The following LRMDA variants were observed in gnomAD, a reference collection of about 807,000 sequenced individuals.
LRMDA encodes the protein leucine-rich melanocyte differentiation-associated protein.
A neutral mutation model predicts 29.8 loss-of-function variants in LRMDA; 18 were observed. That is an observed-to-expected ratio of 0.60 (90% confidence interval 0.42 to 0.90). LRMDA has a LOEUF of 0.90. LRMDA is among the 40% of genes least tolerant of loss of function. The pLI, the probability that LRMDA is intolerant of heterozygous loss-of-function variation, is 0.00. For synonymous variants in LRMDA, 125 were observed against 109.4 expected, an observed-to-expected ratio of 1.14 and a Z score of -0.89; for missense variants, 273 against 273.9, an observed-to-expected ratio of 1.00 and a Z score of 0.02.
In LRMDA at chr10:75,941,731, A is replaced by G. The variant is rs553793870; in HGVS notation, c.132-94277A>G. Among the ~76,000 whole-genome samples the G allele has an allele frequency of 7.9e-5, 12 of 152,288 alleles. No homozygotes were observed. The South Asian group carries it at 2.5e-3, about 32-fold the overall frequency. ...AGCCCCCAAAGCAGCCATGCAGACC[A>G]CAAACCACTTGTAAAGATTGGGGAC... is the stretch of plus-strand genomic sequence containing the variant. On this transcript the variant is annotated intron_variant, in intron 2 of 6. Coordinates refer to ENST00000611255, the MANE Select transcript of LRMDA (RefSeq NM_001305581.2).
At chr10:75,767,413 C>T (rs1221545881) in intron 2 of LRMDA, among the ~76,000 whole-genome samples, 1 of 152,014 alleles carries the variant, frequency 6.6e-6, no homozygotes, top group Non-Finnish European at 1.5e-5. Flanking sequence ...AGCTTTTTTT[C>T]ATATGTTTGT....
At chr10:75,456,236 T>C (rs1034897481) in intron 2 of LRMDA, among the ~76,000 whole-genome samples, 2 of 152,196 alleles carry the variant, frequency 1.3e-5, no homozygotes, top group African/African-American at 2.4e-5. Flanking sequence ...CTGACACATA[T>C]ACGCGGCAAT....
At chr10:76,336,412 A>G (rs1840969682) in intron 6 of LRMDA, among the ~76,000 whole-genome samples, 1 of 152,042 alleles carries the variant, frequency 6.6e-6, no homozygotes, top group Non-Finnish European at 1.5e-5. Flanking sequence ...TTCCTTAAAT[A>G]CTCTCTGCAG....
chr10:76,369,149 G>A (rs983261328), intron 6 of LRMDA, among the ~76,000 whole-genome samples: 10 of 152,048 alleles, frequency 6.6e-5, no homozygotes, highest in Non-Finnish European at 1.0e-4. Context: ...CATGCTCTTT[G>A]TTGCCCATGT....
At chr10:75,857,788 G>T (rs1186335383) in intron 2 of LRMDA, among the ~76,000 whole-genome samples, 1 of 152,168 alleles carries the variant, frequency 6.6e-6, no homozygotes, top group African/African-American at 2.4e-5. Flanking sequence ...CTATCCTGGG[G>T]TAAAATGACC....
intron 2 of LRMDA, among the ~76,000 whole-genome samples, chr10:76,000,609 G>A (rs2132468518): frequency 6.6e-6 from 1 of 152,276 alleles, no homozygotes; most frequent in Admixed American, 6.5e-5. Context: ...TGAACCTCGA[G>A]TTTAGGAAGA....
intron 2 of LRMDA, among the ~76,000 whole-genome samples, chr10:75,680,829 G>A (rs1842014383): frequency 6.6e-6 from 1 of 152,146 alleles, no homozygotes; most frequent in Admixed American, 6.5e-5. Context: ...GGGCAGCATA[G>A]TGAGACCCAA....
chr10:75,968,048 C>T (rs1175396753), intron 2 of LRMDA, among the ~76,000 whole-genome samples: 3 of 152,054 alleles, frequency 2.0e-5, no homozygotes, highest in African/African-American at 7.2e-5. Flanking sequence ...GACAGTTTTG[C>T]ATTAACCTAA....
intron 2 of LRMDA, among the ~76,000 whole-genome samples, chr10:75,690,988 T>TACACACAC (rs1476550881): frequency 1.0e-5 from 1 of 95,750 alleles, no homozygotes; most frequent in African/African-American, 4.5e-5. Flanking sequence ...AATATATATA[T>TACACACAC]ATATATACAC....
At chr10:75,952,367 TA>T (rs956097413) in intron 2 of LRMDA, among the ~76,000 whole-genome samples, 9 of 152,294 alleles carry the variant, frequency 5.9e-5, no homozygotes, top group Admixed American at 1.3e-4. Context: ...AAAAATCATA[TA>T]AAAAAACTCC....
In LRMDA at chr10:75,545,054, G is replaced by A. The variant is rs532391211; in HGVS notation, c.131+106560G>A. ...TTCAGAGAAGCGGTTCTCAGTGTGG[G>A]GAGGCATTCTCCCCCACTCTTTGGA... On this transcript the variant is annotated intron_variant, in intron 2 of 6. Transcript: ENST00000611255. 2.2e-4 allele frequency among the ~76,000 whole-genome samples: 34 copies of A among 152,018 alleles called. No homozygotes were observed. In the South Asian group the frequency reaches 7.1e-3, roughly 32 times the overall value.
At chr10:76,019,984 G>T (rs1423759134) in intron 2 of LRMDA, among the ~76,000 whole-genome samples, 1 of 152,200 alleles carries the variant, frequency 6.6e-6, no homozygotes, top group Non-Finnish European at 1.5e-5. Flanking sequence ...GTCTGATGTG[G>T]TCACTCCCCT....
chr10:75,849,754 A>C (rs1306109174), intron 2 of LRMDA, among the ~76,000 whole-genome samples: 1 of 152,164 alleles, frequency 6.6e-6, no homozygotes, highest in African/African-American at 2.4e-5. Flanking sequence ...GTACCCCAAA[A>C]TTTAAAATAA....
At chr10:75,494,515 CTTTTTTTTTTTT>C (rs34902194) in intron 2 of LRMDA, among the ~76,000 whole-genome samples, 3 of 102,868 alleles carry the variant, frequency 2.9e-5, no homozygotes, top group African/African-American at 3.8e-5. Context: ...ATGTTTGTTC[CTTTTTTTTTTTT>C]TTTTTTTTTT....
At chr10:75,498,172 G>A (rs1845070088) in intron 2 of LRMDA, among the ~76,000 whole-genome samples, 1 of 152,146 alleles carries the variant, frequency 6.6e-6, no homozygotes, top group African/African-American at 2.4e-5. Context: ...ATTTTCCTTG[G>A]TCCCTAAGTC....
chr10:76,460,952 T>C (rs1189458128), intron 6 of LRMDA, among the ~76,000 whole-genome samples: 2 of 152,222 alleles, frequency 1.3e-5, no homozygotes, highest in African/African-American at 4.8e-5. Flanking sequence ...TTTCTTCTTA[T>C]ATGATCTTGG....
intron 2 of LRMDA, among the ~76,000 whole-genome samples, chr10:75,940,422 C>T (rs1334873703): frequency 6.6e-6 from 1 of 152,046 alleles, no homozygotes; most frequent in Non-Finnish European, 1.5e-5. Flanking sequence ...GCTGAAGTGC[C>T]CTGGACCCCA....
At chr10:75,808,459 A>G (rs1351959482) in intron 2 of LRMDA, among the ~76,000 whole-genome samples, 1 of 152,228 alleles carries the variant, frequency 6.6e-6, no homozygotes, top group South Asian at 2.1e-4. Flanking sequence ...TTTCTTTTCT[A>G]TACATAGCTA....
At chr10:76,445,392 G>A (rs1268806443) in intron 6 of LRMDA, among the ~76,000 whole-genome samples, 4 of 152,182 alleles carry the variant, frequency 2.6e-5, no homozygotes, top group Non-Finnish European at 2.9e-5. Context: ...TGATTCTGAA[G>A]CATTAACATT....
Sources: allele counts gnomAD v4.1 joint callset (sites outside exome capture counted in the v4.1 genomes callset), GRCh38; gene constraint gnomAD v4.1.1; transcripts MANE v1.5; gene names NCBI Gene and HGNC (gene_info 2026-07-23, HGNC 2026-07-21).